Variants in SLC26A3 observed in about 807,000 individuals in gnomAD.
The protein encoded by SLC26A3 is solute carrier family 26 member 3, also known as chloride anion exchanger.
SLC26A3 carries 64 observed loss-of-function variants against 85.6 expected under a neutral mutation model. That is an observed-to-expected ratio of 0.75 (90% CI 0.61 to 0.92). SLC26A3 has a LOEUF of 0.92. Ranked by LOEUF, SLC26A3 falls within the 40% of genes least tolerant of loss-of-function variation. SLC26A3 has a pLI of 0.00. For missense variants in SLC26A3, 922 were observed against 927.3 expected, an observed-to-expected ratio of 0.99 and a Z score of 0.07; for synonymous variants, 349 against 336.0, an observed-to-expected ratio of 1.04 and a Z score of -0.42.
rs75636089 is a variant in SLC26A3, at chr7:107,779,348, T to C, written c.1407+320A>G. Among the ~76,000 whole-genome samples the C allele has an allele frequency of 8.7e-3, 1,332 of 152,328 alleles. 6 individuals carry two copies. The highest frequency in any genetic ancestry group is 0.015 in the Non-Finnish European group (996 of 68,032). On this transcript the variant is annotated intron_variant, in intron 12 of 20. Coordinates refer to ENST00000340010, the MANE Select transcript of SLC26A3 (RefSeq NM_000111.3). The stretch of plus-strand genomic sequence containing the variant: ...TGTAATGAAGAACAGAAGCCATGCG[T>C]ACCCTAAATTCAGAGAGTTTCTGTG...
Position 107,767,567 on chromosome 7 carries a change from G to T in SLC26A3, c.2271+12C>A. 1 of 1,589,572 alleles carries T rather than the reference G, an allele frequency of 6.3e-7. No individual in the cohort carries two copies. The highest frequency in any genetic ancestry group is 1.1e-5 in the South Asian group (1 of 90,540). On this transcript the variant is annotated intron_variant, in intron 20 of 20. Transcript: ENST00000340010. ...ATGTCTAGGTGAAGATAAACCTGTT[G>T]AAGAATCTTACCTCATATACCCGAT... is the stretch of plus-strand genomic sequence containing the variant.
chr7:107,791,575 G>T (rs1459796759), intron 4 of SLC26A3, among the ~76,000 whole-genome samples: 1 of 151,974 alleles, frequency 6.6e-6, no homozygotes, highest in Non-Finnish European at 1.5e-5. Context: ...TCGTGCCACT[G>T]CACTCCAACC....
At chr7:107,796,976 A>G (rs894602093) in intron 1 of SLC26A3, among the ~76,000 whole-genome samples, 1 of 151,938 alleles carries the variant, frequency 6.6e-6, no homozygotes, top group African/African-American at 2.4e-5. Flanking sequence ...TATTTTTTTT[A>G]TTTTAATTTT....
intron 20 of SLC26A3, 54 bp from the exon 21 acceptor site, chr7:107,765,932 A>G: frequency 1.3e-6 from 2 of 1,497,766 alleles, no homozygotes; most frequent in Non-Finnish European, 1.9e-6. Context: ...TTCTGTTACA[A>G]TAATCACATC....
chr7:107,790,986 G>T, intron 5 of SLC26A3, 62 bp downstream of exon 5: 1 of 1,545,592 alleles, frequency 6.5e-7, no homozygotes, highest in Non-Finnish European at 8.9e-7. Context: ...GAAAAATAGA[G>T]AGATGTGTAA....
At chr7:107,790,262 T>C (rs1269330061) in intron 5 of SLC26A3, among the ~76,000 whole-genome samples, 1 of 152,204 alleles carries the variant, frequency 6.6e-6, no homozygotes, top group Non-Finnish European at 1.5e-5. Flanking sequence ...TGGATTCTCC[T>C]TCCCTTGGAT....
intron 11 of SLC26A3, among the ~76,000 whole-genome samples, chr7:107,781,510 G>C (rs1183139951): frequency 6.6e-6 from 1 of 152,150 alleles, no homozygotes; most frequent in African/African-American, 2.4e-5. Context: ...TTTACACCCG[G>C]GGAGAAGCAT....
chr7:107,793,169 A>G (rs1042034763), intron 3 of SLC26A3, among the ~76,000 whole-genome samples: 6 of 152,224 alleles, frequency 3.9e-5, no homozygotes, highest in African/African-American at 1.4e-4. Flanking sequence ...ACTTTAGAAA[A>G]TAAGTTAGCA....
chr7:107,769,981 C>G (rs1011305561), intron 18 of SLC26A3, among the ~76,000 whole-genome samples: 1 of 141,220 alleles, frequency 7.1e-6, no homozygotes, highest in Non-Finnish European at 1.6e-5. Context: ...CCCTCCCTCC[C>G]TTCCTTCCTT....
intron 13 of SLC26A3, 45 bp downstream of exon 13, chr7:107,778,130 G>T (rs376815427): frequency 7.6e-7 from 1 of 1,313,638 alleles, no homozygotes; most frequent in South Asian, 1.2e-5. Context: ...TTCTGATTTG[G>T]GCAGGTCCAA....
At chr7:107,767,316 A>C (rs1227468346) in intron 20 of SLC26A3, among the ~76,000 whole-genome samples, 2 of 152,206 alleles carry the variant, frequency 1.3e-5, no homozygotes, top group African/African-American at 4.8e-5. Flanking sequence ...TGGTTTGAAA[A>C]ACAAAAGAAG....
chr7:107,789,755 G>T, intron 5 of SLC26A3, 67 bp from the exon 6 acceptor site: 1 of 1,473,726 alleles, frequency 6.8e-7, no homozygotes, highest in Non-Finnish European at 9.3e-7. Flanking sequence ...TCAAGGATCC[G>T]CAACTGAAAT....
chr7:107,792,507 G>T (rs1387789621), intron 3 of SLC26A3, among the ~76,000 whole-genome samples: 4 of 151,896 alleles, frequency 2.6e-5, no homozygotes, highest in Non-Finnish European at 5.9e-5. Context: ...TTCACGATAG[G>T]GTTTGCACTC....
chr7:107,772,348 A>T (rs1794042014), intron 17 of SLC26A3, among the ~76,000 whole-genome samples: 1 of 151,240 alleles, frequency 6.6e-6, no homozygotes, highest in Admixed American at 6.6e-5. Flanking sequence ...TTCTTGAAGG[A>T]AGTATTATGG....
chr7:107,779,066 G>A (rs557582866), intron 12 of SLC26A3, among the ~76,000 whole-genome samples: 1 of 152,246 alleles, frequency 6.6e-6, no homozygotes, highest in East Asian at 1.9e-4. Context: ...TTAATTAATG[G>A]TTGCTATCTT....
chr7:107,788,450 G>T (rs531895664), intron 6 of SLC26A3, among the ~76,000 whole-genome samples: 1 of 152,070 alleles, frequency 6.6e-6, no homozygotes, highest in Non-Finnish European at 1.5e-5. Flanking sequence ...TTTCTAAACA[G>T]GATGCAAAAA....
chr7:107,772,821 TAAAC>T (rs1215617294), intron 17 of SLC26A3, among the ~76,000 whole-genome samples: 2 of 151,910 alleles, frequency 1.3e-5, no homozygotes, highest in African/African-American at 4.8e-5. Flanking sequence ...AAAGCTAAAA[TAAAC>T]AAAAACCAAA....
At chr7:107,776,337 C>T in intron 15 of SLC26A3, 115 bp downstream of exon 15, 1 of 869,392 alleles carries the variant, frequency 1.2e-6, no homozygotes. Flanking sequence ...ACTGACACAA[C>T]CCCACCTCAA....
At chr7:107,789,361 C>T (rs1794353348) in intron 6 of SLC26A3, among the ~76,000 whole-genome samples, 163 bp downstream of exon 6, 1 of 151,762 alleles carries the variant, frequency 6.6e-6, no homozygotes, top group Admixed American at 6.6e-5. Context: ...ATCTCGTGAT[C>T]CGCCCGCCTC....
Sources: gnomAD v4.1 joint callset for allele counts (sites outside exome capture counted in the v4.1 genomes callset) on GRCh38, gnomAD v4.1.1 for gene constraint, MANE v1.5 for transcripts, NCBI Gene and HGNC (gene_info 2026-07-23, HGNC 2026-07-21) for gene names.